FYB1: variants seen among roughly 807,000 people sequenced by gnomAD.
FYB1 encodes the protein FYN binding protein 1, also known as FYN-binding protein 1.
In FYB1, 41 loss-of-function variants were observed where a neutral mutation model predicts 94.1. That is an observed-to-expected ratio of 0.44 (90% CI 0.34 to 0.57). The LOEUF (loss-of-function observed/expected upper bound fraction) is 0.57. Ranked by LOEUF, FYB1 falls within the 20% of genes least tolerant of loss-of-function variation. The pLI, the probability that FYB1 is intolerant of heterozygous loss-of-function variation, is 0.02. For synonymous variants in FYB1, 367 were observed against 353.2 expected (o/e 1.04, Z -0.44); for missense variants, 1,050 against 976.8 (o/e 1.07, Z -1.00).
At chr5:39,218,531 A>G (rs1750053943) in intron 1 of FYB1, among the ~76,000 whole-genome samples, 1 of 152,246 alleles carries the variant, frequency 6.6e-6, no homozygotes, top group South Asian at 2.1e-4. Flanking sequence ...ATGAAAAAAT[A>G]TTTAAAATGG....
At chr5:39,264,953 T>G (rs1386651613) in intron 1 of FYB1, among the ~76,000 whole-genome samples, 2 of 152,162 alleles carry the variant, frequency 1.3e-5, no homozygotes, top group Non-Finnish European at 2.9e-5. Context: ...CACTTTGATG[T>G]TTTTGATCTA....
chr5:39,157,741 G>C (rs1743886817), intron 2 of FYB1, among the ~76,000 whole-genome samples: 1 of 152,182 alleles, frequency 6.6e-6, no homozygotes, highest in South Asian at 2.1e-4. Context: ...CTGGGTATCT[G>C]TGATTTGAAA....
At chr5:39,220,252 A>T (rs1750175901), upstream of FYB1, among the ~76,000 whole-genome samples, 1 of 149,072 alleles carries the variant, frequency 6.7e-6, no homozygotes, top group Non-Finnish European at 1.5e-5. Flanking sequence ...CTACAAAAAT[A>T]AAAAAAAAAT....
At chr5:39,244,756 A>G (rs1579772609) in intron 1 of FYB1, among the ~76,000 whole-genome samples, 4 of 152,258 alleles carry the variant, frequency 2.6e-5, no homozygotes, top group South Asian at 4.2e-4. Flanking sequence ...TTCGGCTGTG[A>G]ATCCGTCTGG....
chr5:39,199,344 G>GA (rs1284205712), intron 2 of FYB1, among the ~76,000 whole-genome samples: 1 of 152,096 alleles, frequency 6.6e-6, no homozygotes, highest in Non-Finnish European at 1.5e-5. Flanking sequence ...AAAAATAGCA[G>GA]TGGCAGGATC....
chr5:39,159,076 C>A lies in FYB1; in HGVS notation c.1136-5472G>T, dbSNP rs143264228. On this transcript the variant is annotated intron_variant, in intron 2 of 18. Coordinates refer to ENST00000512982, the MANE Select transcript of FYB1 (RefSeq NM_001465.6). ...AATAAGCTAATACATGTGAAAGCATCTTAAAAAGTCTGAAGCATTGCATAA... is the reference window on the plus strand; with the variant it reads ...AATAAGCTAATACATGTGAAAGCATATTAAAAAGTCTGAAGCATTGCATAA... Among the ~76,000 whole-genome samples the A allele has an allele frequency of 1.2e-3, 183 of 152,262 alleles. 2 individuals are homozygous for A. The highest frequency in any genetic ancestry group is 7.3e-3 in the East Asian group (38 of 5,182).
intron 1 of FYB1, among the ~76,000 whole-genome samples, chr5:39,213,529 G>A (rs1171568461): frequency 6.6e-6 from 1 of 152,196 alleles, no homozygotes; most frequent in Non-Finnish European, 1.5e-5. Context: ...AGGAAACAGA[G>A]CAAGGCATGG....
chr5:39,241,573 G>C (rs1411536398), intron 1 of FYB1, among the ~76,000 whole-genome samples: 1 of 152,150 alleles, frequency 6.6e-6, no homozygotes, highest in Non-Finnish European at 1.5e-5. Context: ...GGGGAGTGCA[G>C]TCAACATAGG....
At chr5:39,161,521 T>C (rs967070431) in intron 2 of FYB1, among the ~76,000 whole-genome samples, 17 of 152,104 alleles carry the variant, frequency 1.1e-4, no homozygotes, top group African/African-American at 4.1e-4. Context: ...TATACATTAT[T>C]CTGTACTTTG....
At chr5:39,110,814 T>C in intron 16 of FYB1, 1 of 372,656 alleles carries the variant, frequency 2.7e-6, no homozygotes, top group South Asian at 2.0e-5. Flanking sequence ...TTCTAAAATT[T>C]TATTATATTG....
Position 39,129,279 on chromosome 5 carries a change from G to A in FYB1, c.1840+1311C>T, listed in dbSNP as rs367913816. On this transcript the variant is annotated intron_variant, in intron 10 of 18. Coordinates refer to ENST00000512982, the MANE Select transcript of FYB1 (RefSeq NM_001465.6). ...ATATGGAAAAAGAATAAAACTAGGC[G>A]CCATCTCTCACCATATATAAAAATC... 7.9e-5 allele frequency among the ~76,000 whole-genome samples: 12 copies of A among 151,812 alleles called. No individual in the cohort carries two copies. In the East Asian group the frequency reaches 9.7e-4, roughly 12 times the overall value.
chr5:39,189,287 A>G (rs1747149599), intron 2 of FYB1, among the ~76,000 whole-genome samples: 1 of 151,946 alleles, frequency 6.6e-6, no homozygotes, highest in Non-Finnish European at 1.5e-5. Flanking sequence ...AAAATAAACA[A>G]AAAAGATGAA....
chr5:39,238,212 ATG>A (rs1243377402), intron 1 of FYB1, among the ~76,000 whole-genome samples: 1 of 151,986 alleles, frequency 6.6e-6, no homozygotes, highest in Non-Finnish European at 1.5e-5. Flanking sequence ...CTGCATGTAT[ATG>A]TGTGTATATA....
intron 6 of FYB1, chr5:39,137,996 A>G (rs1254074389): frequency 2.4e-6 from 1 of 419,666 alleles, no homozygotes; most frequent in Non-Finnish European, 4.3e-6. Context: ...TTCTTGCTGT[A>G]TGTTCGCATA....
intron 1 of FYB1, among the ~76,000 whole-genome samples, chr5:39,262,149 T>C (rs2111645175): frequency 6.6e-6 from 1 of 152,202 alleles, no homozygotes; most frequent in South Asian, 2.1e-4. Context: ...TTTTAAAATT[T>C]GACAACATTA....
At chr5:39,156,659 A>G (rs1487396351) in intron 2 of FYB1, among the ~76,000 whole-genome samples, 1 of 152,212 alleles carries the variant, frequency 6.6e-6, no homozygotes, top group East Asian at 1.9e-4. Context: ...GTCACTTTCA[A>G]ATACTGCTAG....
intron 16 of FYB1, among the ~76,000 whole-genome samples, chr5:39,114,069 T>A (rs1442039105): frequency 2.6e-5 from 4 of 152,032 alleles, no homozygotes; most frequent in African/African-American, 9.7e-5. Context: ...TAAAAAAAAA[T>A]GATCAATTGG....
chr5:39,266,126 T>C (rs972939211), intron 1 of FYB1, among the ~76,000 whole-genome samples: 2 of 152,238 alleles, frequency 1.3e-5, no homozygotes, highest in African/African-American at 4.8e-5. Context: ...ACAAGTATTA[T>C]TCTATTGTTT....
upstream of FYB1, among the ~76,000 whole-genome samples, chr5:39,220,564 G>A (rs571957966): frequency 6.6e-6 from 1 of 152,264 alleles, no homozygotes; most frequent in East Asian, 1.9e-4. Flanking sequence ...GGGACTAAAT[G>A]AGATTTTAAC....
Sources: gnomAD v4.1 joint callset for allele counts (sites outside exome capture counted in the v4.1 genomes callset) on GRCh38, gnomAD v4.1.1 for gene constraint, MANE v1.5 for transcripts, NCBI Gene and HGNC (gene_info 2026-07-23, HGNC 2026-07-21) for gene names.